Variants in SEPTIN6 observed in about 807,000 individuals in gnomAD.
SEPTIN6 encodes septin-6.
A neutral mutation model predicts 33.6 loss-of-function variants in SEPTIN6; 8 were observed. The ratio of observed to expected loss-of-function variants is 0.24; its 90% CI spans 0.14 to 0.43. The LOEUF (loss-of-function observed/expected upper bound fraction) is 0.43. Ranked by LOEUF, SEPTIN6 falls within the 20% of genes least tolerant of loss-of-function variation. SEPTIN6 has a pLI of 1.00. For synonymous variants in SEPTIN6, 131 were observed against 140.0 expected (o/e 0.94, Z 0.45); for missense variants, 250 against 340.8 (o/e 0.73, Z 2.10).
At chrX:119,647,933 G>A (rs1336732135) in intron 5 of SEPTIN6, among the ~76,000 whole-genome samples, 2 of 108,033 alleles carry the variant, frequency 1.9e-5, no homozygotes, top group African/African-American at 3.5e-5. Flanking sequence ...AATTACAGGC[G>A]TTAGCCACCG....
chrX:119,661,830 C>T (rs199603688), intron 3 of SEPTIN6, among the ~76,000 whole-genome samples: 3 of 112,025 alleles, frequency 2.7e-5, no homozygotes, highest in East Asian at 2.8e-4. Flanking sequence ...CCCTGCCTCC[C>T]GGATTCAAGT....
At chrX:119,621,933 C>T (rs2053774255) in intron 10 of SEPTIN6, among the ~76,000 whole-genome samples, 1 of 110,752 alleles carries the variant, frequency 9.0e-6, no homozygotes, top group Non-Finnish European at 1.9e-5. Flanking sequence ...GCCACCTCGC[C>T]CAGCTTCCAT....
intron 6 of SEPTIN6, among the ~76,000 whole-genome samples, chrX:119,637,515 GTCCA>G (rs746827031): frequency 1.2e-4 from 13 of 109,783 alleles, no homozygotes; most frequent in Admixed American, 2.9e-4. Flanking sequence ...ATATGCATCT[GTCCA>G]TCCATCCATC....
rs968773185 is a variant in SEPTIN6, at chrX:119,617,115, T to C, written c.*2978A>G. On this transcript the variant is annotated 3_prime_UTR_variant, in exon 11 of 11. Transcript: ENST00000394610. ...ATGTGTGTACGTGTGTGTGTGTGTG[T>C]GTGTGTGTGTGTGTGTGTGTGTGTG... The C allele has an allele frequency of 1.3e-6, 1 of 765,807 alleles. No homozygotes were observed. The highest frequency in any genetic ancestry group is 7.5e-5 in the Admixed American group (1 of 13,316). The allele number at this position is 765,807 out of a possible 1,213,427, so 63.1% of individuals were successfully genotyped here.
At chrX:119,682,240 G>C (rs2054973456) in intron 1 of SEPTIN6, among the ~76,000 whole-genome samples, 1 of 111,228 alleles carries the variant, frequency 9.0e-6, no homozygotes, top group Non-Finnish European at 1.9e-5. Flanking sequence ...TCAGTCAAGG[G>C]AGTAGTCGGT....
intron 1 of SEPTIN6, among the ~76,000 whole-genome samples, chrX:119,680,980 CA>C (rs60147271): frequency 0.19 from 15,003 of 77,712 alleles, 1,214 homozygotes; most frequent in East Asian, 0.47. Context: ...GACTCTGTCT[CA>C]AAAAAAAAAA....
chrX:119,670,560 C>CAAA (rs764828469), intron 2 of SEPTIN6, among the ~76,000 whole-genome samples: 2 of 39,481 alleles, frequency 5.1e-5, no homozygotes, highest in East Asian at 7.4e-4. Flanking sequence ...GACTCTGTCT[C>CAAA]AAAAAAAAAA....
At chrX:119,645,371 T>A (rs764709768) in intron 5 of SEPTIN6, among the ~76,000 whole-genome samples, 13 of 106,675 alleles carry the variant, frequency 1.2e-4, no homozygotes, top group Non-Finnish European at 2.3e-4. Context: ...CCCGAGTAGC[T>A]GAGACTACAG....
chrX:119,651,905 G>A (rs1239584371), intron 4 of SEPTIN6, among the ~76,000 whole-genome samples: 2 of 111,832 alleles, frequency 1.8e-5, no homozygotes, highest in African/African-American at 6.5e-5. Context: ...GAGTGGATGT[G>A]CTACTAAATG....
intron 1 of SEPTIN6, among the ~76,000 whole-genome samples, chrX:119,683,438 G>A (rs1237219873): frequency 1.8e-5 from 2 of 112,190 alleles, no homozygotes; most frequent in Admixed American, 1.9e-4. Context: ...TGAATCATCG[G>A]TTCAGTGATA....
At chrX:119,679,422 A>G (rs762309463) in intron 1 of SEPTIN6, among the ~76,000 whole-genome samples, 1 of 111,668 alleles carries the variant, frequency 9.0e-6, no homozygotes, top group Admixed American at 9.6e-5. Context: ...GACTAGGAGC[A>G]GGAAGACATA....
At chrX:119,650,255 G>A (rs1272173772) in intron 4 of SEPTIN6, among the ~76,000 whole-genome samples, 157 bp from the exon 5 acceptor site, 1 of 112,226 alleles carries the variant, frequency 8.9e-6, no homozygotes, top group Non-Finnish European at 1.9e-5. Flanking sequence ...TAAACGACAA[G>A]TACTAACTAT....
chrX:119,689,125 A>G (rs2055112722), intron 1 of SEPTIN6, among the ~76,000 whole-genome samples: 1 of 112,018 alleles, frequency 8.9e-6, no homozygotes, highest in African/African-American at 3.2e-5. Flanking sequence ...GAGAATGACC[A>G]CTACCTAGAT....
In SEPTIN6 at chrX:119,661,395, C is replaced by T. The variant is rs183149070; in HGVS notation, c.341+2087G>A. ...GCAGTGAGCTGAGATCACACCACTGCGCTCCAGCCTGGGCAACAGAGCGAG... is the reference window on the plus strand; with the variant it reads ...GCAGTGAGCTGAGATCACACCACTGTGCTCCAGCCTGGGCAACAGAGCGAG... On this transcript the variant is annotated intron_variant, in intron 3 of 10. Transcript: ENST00000394610. Among the ~76,000 whole-genome samples the T allele has an allele frequency of 7.7e-3, 858 of 110,961 alleles. 8 individuals carry two copies. Among genetic ancestry groups the T allele is most frequent in the African/African-American group, 0.027 (821 of 30,314 alleles).
intron 5 of SEPTIN6, among the ~76,000 whole-genome samples, chrX:119,642,873 T>C (rs917134090): frequency 1.8e-5 from 2 of 110,772 alleles, no homozygotes; most frequent in Non-Finnish European, 1.9e-5. Context: ...CAGACGATCG[T>C]CTCAGACACC....
intron 10 of SEPTIN6, among the ~76,000 whole-genome samples, chrX:119,623,452 G>A (rs887512447): frequency 2.7e-5 from 3 of 111,839 alleles, no homozygotes; most frequent in African/African-American, 9.7e-5. Flanking sequence ...ACAAGATTAG[G>A]CATATGTTTA....
chrX:119,690,723 CA>C (rs772333455), intron 1 of SEPTIN6, among the ~76,000 whole-genome samples: 943 of 23,027 alleles, frequency 0.041, 4 homozygotes, highest in Admixed American at 0.054. Flanking sequence ...GACTCCGTCT[CA>C]AAAAAAAAAA....
chrX:119,623,370 CTAAAG>C (rs769155637), intron 10 of SEPTIN6, among the ~76,000 whole-genome samples: 3 of 111,163 alleles, frequency 2.7e-5, no homozygotes, highest in East Asian at 5.6e-4. Context: ...GAAATATATA[CTAAAG>C]TATTTACAGA....
Position 119,617,492 on chromosome X carries a change from G to A in SEPTIN6, c.*2601C>T, listed in dbSNP as rs1000208916. 1.2e-6 allele frequency: 1 copy of A among 804,870 alleles called. No individual in the cohort carries two copies. The highest frequency in any genetic ancestry group is 1.5e-6 in the Non-Finnish European group (1 of 670,406). The allele number at this position is 804,870 out of a possible 1,213,427, so 66.3% of individuals were successfully genotyped here. A position where few individuals can be genotyped will look rare whatever the true frequency, so the allele number is the denominator to read the frequency against. ...CGTTCCAGCCTTGCAGCATCACTGGGTCATTGGGTTAAGGAGCTGGCCCGG... is the reference window on the plus strand; with the variant it reads ...CGTTCCAGCCTTGCAGCATCACTGGATCATTGGGTTAAGGAGCTGGCCCGG... On this transcript the variant is annotated 3_prime_UTR_variant, in exon 11 of 11. Transcript: ENST00000394610.
Sources: allele counts gnomAD v4.1 joint callset (sites outside exome capture counted in the v4.1 genomes callset), GRCh38; gene constraint gnomAD v4.1.1; transcripts MANE v1.5; gene names NCBI Gene and HGNC (gene_info 2026-07-23, HGNC 2026-07-21).